TDRD3: variants seen among roughly 807,000 people sequenced by gnomAD.
TDRD3 encodes tudor domain containing 3.
In TDRD3, 45 loss-of-function variants were observed where a neutral mutation model predicts 86.7. The ratio of observed to expected loss-of-function variants is 0.52; its 90% confidence interval spans 0.41 to 0.67. TDRD3 has a LOEUF of 0.67. Among genes scored for constraint, TDRD3 ranks in the 30% least tolerant of loss-of-function variants. The pLI is 0.00. For synonymous variants in TDRD3, 298 were observed against 301.7 expected (o/e 0.99, Z 0.13); for missense variants, 814 against 889.0 (o/e 0.92, Z 1.07).
intron 8 of TDRD3, among the ~76,000 whole-genome samples, chr13:60,503,123 TC>T (rs1956867928): frequency 6.6e-6 from 1 of 152,212 alleles, no homozygotes. Flanking sequence ...TAAAAAAGGT[TC>T]CTTTAGCTTT....
chr13:60,550,478 G>A (rs1016684883), intron 12 of TDRD3, among the ~76,000 whole-genome samples: 3 of 151,994 alleles, frequency 2.0e-5, no homozygotes, highest in African/African-American at 7.2e-5. Context: ...TACGAAGAGA[G>A]GAAAAAACTT....
Position 60,433,353 on chromosome 13 carries a change from T to C in TDRD3, c.42-6335T>C, listed in dbSNP as rs1293306044. ...GAAGTAAGCATGGGTTCTTTATATG[T>C]CCAGTTTGTAAAATATTTATGTCAA... On this transcript the variant is annotated intron_variant, in intron 1 of 13. Coordinates refer to ENST00000377881, the MANE Select transcript of TDRD3 (RefSeq NM_001146070.2). Among the ~76,000 whole-genome samples, 3 of 152,222 alleles carry C rather than the reference T, an allele frequency of 2.0e-5. 1 individual carries two copies. The highest frequency in any genetic ancestry group is 7.2e-5 in the African/African-American group (3 of 41,462).
intron 12 of TDRD3, among the ~76,000 whole-genome samples, chr13:60,566,028 A>T (rs1208689401): frequency 2.0e-5 from 3 of 152,202 alleles, no homozygotes; most frequent in Non-Finnish European, 4.4e-5. Context: ...TAATTATACC[A>T]GATATATTGT....
intron 1 of TDRD3, among the ~76,000 whole-genome samples, chr13:60,417,296 G>A (rs1331548254): frequency 5.9e-5 from 9 of 151,326 alleles, no homozygotes; most frequent in Non-Finnish European, 1.2e-4. Context: ...GATTACAGGT[G>A]TGAGCCATTG....
intron 3 of TDRD3, among the ~76,000 whole-genome samples, chr13:60,458,719 A>T (rs1955734909): frequency 6.6e-6 from 1 of 152,216 alleles, no homozygotes; most frequent in Admixed American, 6.5e-5. Context: ...GAACACTTGA[A>T]ATATGGCTAG....
chr13:60,463,936 G>A (rs1955857961), intron 4 of TDRD3, among the ~76,000 whole-genome samples: 1 of 152,194 alleles, frequency 6.6e-6, no homozygotes, highest in African/African-American at 2.4e-5. Context: ...TTAGGTCATG[G>A]AGGGGCAGAG....
intron 10 of TDRD3, among the ~76,000 whole-genome samples, chr13:60,522,734 G>C (rs1815216282): frequency 6.6e-6 from 1 of 152,156 alleles, no homozygotes; most frequent in African/African-American, 2.4e-5. Context: ...ATTAATTTTA[G>C]GTCAGGATTC....
At chr13:60,498,041 A>T (rs1956754265) in intron 8 of TDRD3, among the ~76,000 whole-genome samples, 4 of 152,114 alleles carry the variant, frequency 2.6e-5, no homozygotes, top group African/African-American at 9.7e-5. Flanking sequence ...ATGTGGATTA[A>T]AAGATGGCCC....
intron 5 of TDRD3, among the ~76,000 whole-genome samples, chr13:60,479,441 C>T (rs1167992031): frequency 1.3e-5 from 2 of 152,160 alleles, no homozygotes; most frequent in Non-Finnish European, 2.9e-5. Flanking sequence ...AGACTATGTT[C>T]TGTGTGCAGA....
chr13:60,500,131 C>T (rs146416598), intron 8 of TDRD3, among the ~76,000 whole-genome samples: 1,874 of 152,224 alleles, frequency 0.012, 16 homozygotes, highest in Middle Eastern at 0.038. Context: ...TTTTGAGAGA[C>T]GGCTCTTGGC....
At chr13:60,537,788 G>A (rs1424201600) in intron 12 of TDRD3, 2 of 151,888 alleles carry the variant, frequency 1.3e-5, no homozygotes, top group African/African-American at 2.4e-5. Flanking sequence ...TTGTGAAATG[G>A]TATTGTATCT....
chr13:60,507,831 T>C (rs983235639), intron 8 of TDRD3, among the ~76,000 whole-genome samples: 1 of 152,208 alleles, frequency 6.6e-6, no homozygotes, highest in African/African-American at 2.4e-5. Context: ...GGAAGTCAAA[T>C]TGTCTGTGTT....
At chr13:60,465,615 A>G (rs984603671) in intron 4 of TDRD3, among the ~76,000 whole-genome samples, 7 of 152,196 alleles carry the variant, frequency 4.6e-5, no homozygotes, top group Non-Finnish European at 7.4e-5. Flanking sequence ...TTTTTAATAT[A>G]TAATCTATCT....
rs919540338 is a variant in TDRD3 at position 60,397,974 on chromosome 13, C to G, written c.41+569C>G. Among the ~76,000 whole-genome samples the G allele has an allele frequency of 5.4e-4, 82 of 152,334 alleles. 1 individual carries two copies. Among genetic ancestry groups the G allele is most frequent in the African/African-American group, 1.9e-3 (80 of 41,584 alleles). ...CAGTGTGAATCTGCCTTCCGCGGCA[C>G]ACACACAACTTCTGGAGCTAAGAAT... On this transcript the variant is annotated intron_variant, in intron 1 of 13. Transcript: ENST00000377881.
At chr13:60,459,235 A>G (rs1217047574) in intron 3 of TDRD3, among the ~76,000 whole-genome samples, 1 of 152,200 alleles carries the variant, frequency 6.6e-6, no homozygotes, top group Non-Finnish European at 1.5e-5. Context: ...TGAAAATATA[A>G]ATTAATATGC....
chr13:60,424,285 C>T (rs61970123), intron 1 of TDRD3, among the ~76,000 whole-genome samples: 29,551 of 132,536 alleles, frequency 0.22, 3,571 homozygotes, highest in South Asian at 0.31. Flanking sequence ...CCTCCCAAAG[C>T]GCTGGAATTA....
At chr13:60,545,741 G>A (rs1341879656) in intron 12 of TDRD3, among the ~76,000 whole-genome samples, 6 of 152,030 alleles carry the variant, frequency 3.9e-5, no homozygotes, top group Admixed American at 3.3e-4. Context: ...TGTTAGACTT[G>A]ATTAGATTCT....
At chr13:60,507,753 G>A (rs1160956062) in intron 8 of TDRD3, among the ~76,000 whole-genome samples, 1 of 152,188 alleles carries the variant, frequency 6.6e-6, no homozygotes, top group Admixed American at 6.5e-5. Flanking sequence ...ATTCAACATA[G>A]TATTGGATGT....
chr13:60,436,315 A>T (rs1035248122), intron 1 of TDRD3, among the ~76,000 whole-genome samples: 11 of 152,044 alleles, frequency 7.2e-5, no homozygotes, highest in African/African-American at 2.2e-4. Flanking sequence ...GGTCTTAGTC[A>T]TGAATTCTTT....
Sources: allele counts gnomAD v4.1 joint callset (sites outside exome capture counted in the v4.1 genomes callset), GRCh38; gene constraint gnomAD v4.1.1; transcripts MANE v1.5; gene names NCBI Gene and HGNC (gene_info 2026-07-23, HGNC 2026-07-21).